The following SYNE3 variants were observed in gnomAD, a reference collection of about 807,000 sequenced individuals.
SYNE3 encodes nesprin-3.
A neutral mutation model predicts 111.2 loss-of-function variants in SYNE3; 100 were observed. The ratio of observed to expected loss-of-function variants is 0.90; its 90% confidence interval spans 0.77 to 1.06. The LOEUF (loss-of-function observed/expected upper bound fraction) is 1.06, where lower values mean the gene tolerates loss of function less well. Among genes scored for constraint, SYNE3 ranks in the 50% least tolerant of loss-of-function variants. The pLI, the probability that SYNE3 is intolerant of heterozygous loss-of-function variation, is 0.00. For synonymous variants in SYNE3, 547 were observed against 533.9 expected (o/e 1.02, Z -0.34); for missense variants, 1,160 against 1,240.3 (o/e 0.94, Z 0.97).
chr14:95,499,747 A>G (rs2139594369), intron 1 of SYNE3, among the ~76,000 whole-genome samples: 1 of 151,984 alleles, frequency 6.6e-6, no homozygotes, highest in East Asian at 1.9e-4. Flanking sequence ...TCTCCCCAGC[A>G]GTCCCTTAGC....
intron 1 of SYNE3, among the ~76,000 whole-genome samples, chr14:95,511,554 A>G (rs1283330352): frequency 1.3e-5 from 2 of 151,806 alleles, no homozygotes; most frequent in Non-Finnish European, 2.9e-5. Flanking sequence ...CAAAAAAATA[A>G]TAATAATAAA....
Position 95,473,930 on chromosome 14 carries a change from G to T in SYNE3, c.144+1748C>A, listed in dbSNP as rs1320418639. ...GTGTGAGTTTGTGAGGTGTGACAGT[G>T]GCTGGAGCTAAGGCCAGTGTGAGCT... On this transcript the variant is annotated intron_variant, in intron 2 of 17. Coordinates refer to ENST00000682763, the MANE Select transcript of SYNE3 (RefSeq NM_152592.6). 5.3e-5 allele frequency among the ~76,000 whole-genome samples: 8 copies of T among 150,760 alleles called. 1 individual carries two copies. Among genetic ancestry groups the T allele is most frequent in the Admixed American group, 3.3e-4 (5 of 15,090 alleles).
intron 1 of SYNE3, among the ~76,000 whole-genome samples, chr14:95,498,130 T>TAAA (rs1322522434): frequency 6.6e-6 from 1 of 151,862 alleles, no homozygotes; most frequent in Admixed American, 6.6e-5. Context: ...CAATTTTTTT[T>TAAA]AAAAAAATTA....
At chr14:95,509,886 T>C (rs957552231) in intron 1 of SYNE3, among the ~76,000 whole-genome samples, 3 of 152,158 alleles carry the variant, frequency 2.0e-5, no homozygotes, top group Non-Finnish European at 2.9e-5. Context: ...AAACAAACTC[T>C]TAGGGAAGGT....
At chr14:95,499,606 C>T (rs1444725717) in intron 1 of SYNE3, among the ~76,000 whole-genome samples, 1 of 152,130 alleles carries the variant, frequency 6.6e-6, no homozygotes, top group East Asian at 1.9e-4. Context: ...CACATCAGCT[C>T]ATTGAGTCCT....
chr14:95,437,683 T>C (rs1886173441), intron 14 of SYNE3: 1 of 152,304 alleles, frequency 6.6e-6, no homozygotes, highest in African/African-American at 2.4e-5. Flanking sequence ...TGTTTTTTGT[T>C]TTTTGTAAAT....
intron 17 of SYNE3, among the ~76,000 whole-genome samples, chr14:95,429,354 C>T (rs145953968): frequency 1.2e-4 from 19 of 152,298 alleles, no homozygotes; most frequent in African/African-American, 4.6e-4. Context: ...GTCACACACG[C>T]TAATGGTGGA....
chr14:95,449,910 A>G, intron 8 of SYNE3, 21 bp downstream of exon 8: 1 of 1,330,938 alleles, frequency 7.5e-7, no homozygotes, highest in Non-Finnish European at 1.0e-6. Context: ...AGCCCCACCC[A>G]GTTGGCAGGA....
intron 4 of SYNE3, among the ~76,000 whole-genome samples, chr14:95,462,875 A>G (rs1475206328): frequency 1.3e-5 from 2 of 152,200 alleles, no homozygotes; most frequent in African/African-American, 4.8e-5. Flanking sequence ...AATTAGTCCA[A>G]AAGGCCAGGT....
chr14:95,446,101 A>T lies in SYNE3; in HGVS notation c.1450-10T>A, dbSNP rs200035153. 2 of 1,613,642 alleles carry T rather than the reference A, an allele frequency of 1.2e-6. No homozygotes were observed. Among genetic ancestry groups the T allele is most frequent in the Non-Finnish European group, 1.7e-6 (2 of 1,179,868 alleles). ...TTTCCATCAGGGCTGCCTGTGGGAG[A>T]CAAGGCTTCCGTGAACCACAGACCG... On this transcript the variant is annotated splice_polypyrimidine_tract_variant and intron_variant, in intron 8 of 17. Coordinates refer to ENST00000682763, the MANE Select transcript of SYNE3 (RefSeq NM_152592.6).
In SYNE3 at chr14:95,446,151, G is replaced by T. The variant is rs1595199386; in HGVS notation, c.1450-60C>A. 1.9e-6 allele frequency: 3 copies of T among 1,587,664 alleles called. No individual in the cohort carries two copies. In the East Asian group the frequency reaches 6.7e-5, roughly 36 times the overall value. ...GGGCAGGACACAGCTCAGAAACAGA[G>T]CCAGGGGCACAACTGTTCTGGCTGC... On this transcript the variant is annotated intron_variant, in intron 8 of 17. Coordinates refer to ENST00000682763, the MANE Select transcript of SYNE3 (RefSeq NM_152592.6).
rs1334009738 is a variant in SYNE3, at chr14:95,440,060, A to G, written c.1927T>C (p.Cys643Arg). 7.5e-6 allele frequency: 12 copies of G among 1,604,614 alleles called. No homozygotes were observed. The highest frequency in any genetic ancestry group is 1.0e-5 in the Non-Finnish European group (12 of 1,179,330). ...CAGTGCTCCTGCACACTCTGCCGAC[A>G]CCTGTCCACAAGGTCCTGCAGCACA... is the stretch of plus-strand genomic sequence containing the variant. Reference protein sequence around the residue: ...QRSLEDLVDRCRQSVQEHCTF... With the variant: ...QRSLEDLVDRRRQSVQEHCTF... The change falls in exon 12 of 18, where the codon TGT becomes CGT. Residue 643 changes from cysteine (C) to arginine (R), a missense_variant. Coordinates refer to ENST00000682763, the MANE Select transcript of SYNE3 (RefSeq NM_152592.6).
chr14:95,487,153 G>A (rs1216936141), intron 1 of SYNE3, among the ~76,000 whole-genome samples: 1 of 152,218 alleles, frequency 6.6e-6, no homozygotes, highest in Non-Finnish European at 1.5e-5. Context: ...CAGGTGCAGA[G>A]GAGAAATCTT....
intron 17 of SYNE3, among the ~76,000 whole-genome samples, chr14:95,422,144 A>G (rs1163903552): frequency 6.6e-6 from 1 of 152,100 alleles, no homozygotes; most frequent in Non-Finnish European, 1.5e-5. Flanking sequence ...ACCTCTGGCC[A>G]TCAGCTTCTC....
intron 4 of SYNE3, among the ~76,000 whole-genome samples, chr14:95,463,727 G>A (rs568249240): frequency 3.3e-5 from 5 of 152,364 alleles, no homozygotes; most frequent in South Asian, 2.1e-4. Flanking sequence ...TGGGCCTTGC[G>A]CAGTCTCCTG....
At chr14:95,480,576 A>G (rs1166491680) in intron 1 of SYNE3, among the ~76,000 whole-genome samples, 1 of 152,238 alleles carries the variant, frequency 6.6e-6, no homozygotes, top group Non-Finnish European at 1.5e-5. Context: ...AGGAATGGAC[A>G]GTAAGGATGC....
chr14:95,411,703 G>A lies in SYNE3; in HGVS notation c.*6123C>T, dbSNP rs1482761485. 1 of 147,252 alleles carries A rather than the reference G, an allele frequency of 6.8e-6. No individual in the cohort carries two copies. Among genetic ancestry groups the A allele is most frequent in the East Asian group, 2.1e-4 (1 of 4,716 alleles). The allele number at this position is 147,252 out of a possible 1,614,324, so 9.1% of individuals were successfully genotyped here. ...CCTGGCAATCACTGCAGACACCGGT[G>A]AAAAACACTCTGATTACAGAATCCA... On this transcript the variant is annotated 3_prime_UTR_variant, in exon 18 of 18. Coordinates refer to ENST00000682763, the MANE Select transcript of SYNE3 (RefSeq NM_152592.6).
chr14:95,407,420 T>C lies in SYNE3; in HGVS notation c.*10406A>G, dbSNP rs1903307740. On this transcript the variant is annotated 3_prime_UTR_variant, in exon 18 of 18. Transcript: ENST00000682763. ...GGGGAGGAAAACGTCAATGCAACTT[T>C]AAAATATAGCACTAAGAAGAAACTC... 6.6e-6 allele frequency: 1 copy of C among 152,146 alleles called. No individual in the cohort carries two copies. Among genetic ancestry groups the C allele is most frequent in the African/African-American group, 2.4e-5 (1 of 41,430 alleles). The allele number at this position is 152,146 out of a possible 1,614,324, so 9.4% of individuals were successfully genotyped here. A position where few individuals can be genotyped will look rare whatever the true frequency, so the allele number is the denominator to read the frequency against.
At position 95,413,063 on chromosome 14, in the gene SYNE3, G is replaced by A. The variant is rs913374514; in HGVS notation, c.*4763C>T. The A allele has an allele frequency of 9.2e-5, 14 of 152,160 alleles. No homozygotes were observed. The highest frequency in any genetic ancestry group is 3.4e-4 in the African/African-American group (14 of 41,422). 9.4% of individuals were successfully genotyped at this position (152,160 alleles called of 1,614,324 possible). On this transcript the variant is annotated 3_prime_UTR_variant, in exon 18 of 18. Coordinates refer to ENST00000682763, the MANE Select transcript of SYNE3 (RefSeq NM_152592.6). ...GTATTGTTTCACTTGCCTTTGGTCA[G>A]TGAAAGCTTTGCCACTAGCGCTTGT...
Sources: allele counts gnomAD v4.1 joint callset (sites outside exome capture counted in the v4.1 genomes callset), GRCh38; gene constraint gnomAD v4.1.1; transcripts MANE v1.5; gene names NCBI Gene and HGNC (gene_info 2026-07-23, HGNC 2026-07-21).